Variants in ABRAXAS2 observed in about 807,000 individuals in gnomAD.
ABRAXAS2 encodes the protein BRISC complex subunit Abraxas 2.
ABRAXAS2 carries 23 observed loss-of-function variants against 49.0 expected under a neutral mutation model. That is an observed-to-expected ratio of 0.47 (90% CI 0.34 to 0.66). ABRAXAS2 has a LOEUF of 0.66. Among genes scored for constraint, ABRAXAS2 ranks in the 30% least tolerant of loss-of-function variants. The probability of loss-of-function intolerance (pLI) is 0.01; values close to 1 mark genes in which losing one functional copy is unlikely to be tolerated. For missense variants in ABRAXAS2, 443 were observed against 511.9 expected (o/e 0.87, Z 1.30); for synonymous variants, 168 against 180.2 (o/e 0.93, Z 0.54).
intron 4 of ABRAXAS2, among the ~76,000 whole-genome samples, chr10:124,823,650 GGTCTGTGGATAGAATA>G (rs1001408107): frequency 1.3e-5 from 2 of 152,204 alleles, no homozygotes; most frequent in Admixed American, 1.3e-4. Context: ...AATAGTCTGT[GGTCTGTGGATAGAATA>G]GTCTGTGTGA....
chr10:124,804,394 G>A (rs936170437), intron 1 of ABRAXAS2, among the ~76,000 whole-genome samples: 1 of 152,162 alleles, frequency 6.6e-6, no homozygotes, highest in African/African-American at 2.4e-5. Flanking sequence ...ATTTTATTGT[G>A]TGTCTTGTAT....
At chr10:124,813,588 G>C (rs1284028075) in intron 2 of ABRAXAS2, among the ~76,000 whole-genome samples, 2 of 152,198 alleles carry the variant, frequency 1.3e-5, no homozygotes, top group Non-Finnish European at 2.9e-5. Context: ...GCCCCTGCCT[G>C]CTTCCAGAGG....
At chr10:124,831,842 CTTTTTTTTTTTTTT>C (rs71029219) in intron 8 of ABRAXAS2, among the ~76,000 whole-genome samples, 39 of 37,724 alleles carry the variant, frequency 1.0e-3, no homozygotes, top group East Asian at 2.6e-3. Flanking sequence ...TGTGTCCTGT[CTTTTTTTTTTTTTT>C]TTTTTTTTTT....
intron 2 of ABRAXAS2, among the ~76,000 whole-genome samples, chr10:124,811,939 C>T (rs921664440): frequency 4.6e-5 from 7 of 151,950 alleles, no homozygotes; most frequent in African/African-American, 1.2e-4. Context: ...CACCATGACC[C>T]GCTAATTTTG....
intron 4 of ABRAXAS2, among the ~76,000 whole-genome samples, chr10:124,822,198 TA>T (rs1950865923): frequency 6.6e-6 from 1 of 152,194 alleles, no homozygotes; most frequent in Admixed American, 6.5e-5. Flanking sequence ...GCTTCCATAC[TA>T]TGGGAGATGA....
chr10:124,802,244 T>C (rs1215122516), intron 1 of ABRAXAS2, among the ~76,000 whole-genome samples: 1 of 152,134 alleles, frequency 6.6e-6, no homozygotes, highest in Non-Finnish European at 1.5e-5. Context: ...GCTTCTAGAC[T>C]TAAGAGGGGC....
intron 4 of ABRAXAS2, among the ~76,000 whole-genome samples, chr10:124,822,791 CAAAAA>C (rs538474876): frequency 1.5e-5 from 1 of 65,732 alleles, no homozygotes; most frequent in Admixed American, 1.8e-4. Flanking sequence ...GACTCCAACT[CAAAAA>C]AAAAAAAAAA....
At chr10:124,807,752 G>A (rs1351977) in intron 2 of ABRAXAS2, among the ~76,000 whole-genome samples, 80,275 of 152,028 alleles carry the variant, frequency 0.53, 23,759 homozygotes, top group South Asian at 0.66. Context: ...CCCACCAATG[G>A]GGGTGACTTT....
chr10:124,824,517 G>T (rs575615639), intron 4 of ABRAXAS2, among the ~76,000 whole-genome samples: 1 of 137,850 alleles, frequency 7.3e-6, no homozygotes, highest in Non-Finnish European at 1.5e-5. Context: ...CACAGAGCAA[G>T]ACTCCATCTC....
chr10:124,807,548 G>C (rs1219574491), intron 2 of ABRAXAS2, among the ~76,000 whole-genome samples: 2 of 151,782 alleles, frequency 1.3e-5, no homozygotes, highest in Non-Finnish European at 2.9e-5. Flanking sequence ...AGCTACTCAG[G>C]ATGCTGAGGC....
chr10:124,832,902 C>G (rs1950942245), intron 8 of ABRAXAS2, among the ~76,000 whole-genome samples: 3 of 151,824 alleles, frequency 2.0e-5, no homozygotes, highest in Admixed American at 6.6e-5. Flanking sequence ...AATCCCAGCA[C>G]TTTGGGAGAC....
rs534229247 is a variant in ABRAXAS2, at chr10:124,835,551, A to G, written c.*580A>G. On this transcript the variant is annotated 3_prime_UTR_variant, in exon 9 of 9. Coordinates refer to ENST00000298492, the MANE Select transcript of ABRAXAS2 (RefSeq NM_032182.4). ...AAGAGAGGGCTTCCAACTTTTTTCT[A>G]CTAGCTTGATATGTATTATCACTTA... 2.2e-4 allele frequency: 33 copies of G among 152,700 alleles called. No individual in the cohort carries two copies. Among genetic ancestry groups the G allele is most frequent in the Admixed American group, 1.4e-3 (22 of 15,286 alleles). 9.5% of individuals were successfully genotyped at this position (152,700 alleles called of 1,614,324 possible).
intron 2 of ABRAXAS2, among the ~76,000 whole-genome samples, chr10:124,809,751 A>AT (rs556850092): frequency 0.01 from 1,407 of 135,964 alleles, 7 homozygotes; most frequent in African/African-American, 0.017. Flanking sequence ...ACATTATGAG[A>AT]TTTTTTTTTT....
rs751270641 is a variant in ABRAXAS2, at chr10:124,834,910, A to C, written c.1187A>C (p.Asp396Ala). 1 of 1,614,148 alleles carries C rather than the reference A, an allele frequency of 6.2e-7. No homozygotes were observed. The highest frequency in any genetic ancestry group is 2.2e-5 in the East Asian group (1 of 44,880). Reference sequence around the variant, plus strand: ...AATAGTGAATACTCACATTCAAAGGATTCTCGACCCATGGCACATCCCGAC... The same window carrying C: ...AATAGTGAATACTCACATTCAAAGGCTTCTCGACCCATGGCACATCCCGAC... ...PSNSEYSHSK[D>A]SRPMAHPDED... is the part of the protein sequence containing the mutation. Residue 396 changes from aspartate (D) to alanine (A), a missense_variant, in exon 9 of 9, where the codon GAT becomes GCT. Coordinates refer to ENST00000298492, the MANE Select transcript of ABRAXAS2 (RefSeq NM_032182.4).
intron 2 of ABRAXAS2, among the ~76,000 whole-genome samples, chr10:124,816,223 C>G (rs959359453): frequency 6.6e-6 from 1 of 152,118 alleles, no homozygotes; most frequent in African/African-American, 2.4e-5. Flanking sequence ...TTTTATCCCA[C>G]TTGATTAAAT....
At chr10:124,818,856 A>T (rs575381784) in intron 3 of ABRAXAS2, among the ~76,000 whole-genome samples, 2 of 152,256 alleles carry the variant, frequency 1.3e-5, no homozygotes, top group African/African-American at 4.8e-5. Context: ...GATTTGGAGG[A>T]AGTCACTTGG....
At chr10:124,802,417 T>C (rs1950712322) in intron 1 of ABRAXAS2, among the ~76,000 whole-genome samples, 1 of 152,222 alleles carries the variant, frequency 6.6e-6, no homozygotes. Flanking sequence ...TTCTTCGCCC[T>C]GATGCAAAAT....
chr10:124,822,477 A>C (rs1302597667), intron 4 of ABRAXAS2, among the ~76,000 whole-genome samples: 1 of 152,072 alleles, frequency 6.6e-6, no homozygotes, highest in Non-Finnish European at 1.5e-5. Context: ...TATGTATTTT[A>C]TAATTGAAAA....
chr10:124,808,570 G>T, intron 2 of ABRAXAS2, among the ~76,000 whole-genome samples: 1 of 152,120 alleles, frequency 6.6e-6, no homozygotes, highest in African/African-American at 2.4e-5. Flanking sequence ...CTAGAGCTGC[G>T]GGGAGGATTA....
Sources: allele counts gnomAD v4.1 joint callset (sites outside exome capture counted in the v4.1 genomes callset), GRCh38; gene constraint gnomAD v4.1.1; transcripts MANE v1.5; gene names NCBI Gene and HGNC (gene_info 2026-07-23, HGNC 2026-07-21).